The following CNTN3 variants were observed in gnomAD, a reference collection of about 807,000 sequenced individuals.
CNTN3 encodes contactin-3.
In CNTN3, 60 loss-of-function variants were observed where a neutral mutation model predicts 119.1. The ratio of observed to expected loss-of-function variants is 0.50; its 90% CI spans 0.41 to 0.62. The LOEUF is 0.62. Among genes scored for constraint, CNTN3 ranks in the 20% least tolerant of loss-of-function variants. The pLI is 0.00. For missense variants in CNTN3, 1,101 were observed against 1,242.4 expected, an observed-to-expected ratio of 0.89 and a Z score of 1.71; for synonymous variants, 450 against 438.7, an observed-to-expected ratio of 1.03 and a Z score of -0.32.
Position 74,430,732 on chromosome 3 carries a change from A to G in CNTN3, c.359-5792T>C, listed in dbSNP as rs778714581. On this transcript the variant is annotated intron_variant, in intron 4 of 22. Coordinates refer to ENST00000263665, the MANE Select transcript of CNTN3 (RefSeq NM_020872.3). ...CTTTCTTGACTGTGTTGGTCAACAC[A>G]TGTACATCCATGTGATAAAATTAGA... Among the ~76,000 whole-genome samples, 85 of 152,328 alleles carry G rather than the reference A, an allele frequency of 5.6e-4. 2 individuals carry two copies. The highest frequency in any genetic ancestry group is 2.6e-4 in the Admixed American group (4 of 15,300).
At chr3:74,541,108 G>C (rs1207321429) in intron 1 of CNTN3, among the ~76,000 whole-genome samples, 3 of 152,068 alleles carry the variant, frequency 2.0e-5, no homozygotes, top group Non-Finnish European at 2.9e-5. Flanking sequence ...TGAAACAAAA[G>C]GAACTCTCAT....
At chr3:74,267,159 A>T in intron 21 of CNTN3, 107 bp downstream of exon 21, 1 of 607,914 alleles carries the variant, frequency 1.6e-6, no homozygotes, top group Non-Finnish European at 2.9e-6. Flanking sequence ...TCAAAATTAG[A>T]TTACAGAAAC....
chr3:74,530,295 G>C (rs549835876), intron 1 of CNTN3, among the ~76,000 whole-genome samples: 2 of 152,080 alleles, frequency 1.3e-5, no homozygotes, highest in East Asian at 2.0e-4. Context: ...ATCCCAAAGG[G>C]AGGTGCCAGA....
At chr3:74,554,576 G>A (rs930743677) in intron 1 of CNTN3, among the ~76,000 whole-genome samples, 1 of 152,060 alleles carries the variant, frequency 6.6e-6, no homozygotes, top group Non-Finnish European at 1.5e-5. Flanking sequence ...ATTTGTTTGT[G>A]TCCTCTCTTA....
At chr3:74,549,332 G>A (rs114552275) in intron 1 of CNTN3, among the ~76,000 whole-genome samples, 5,632 of 152,152 alleles carry the variant, frequency 0.037, 136 homozygotes, top group South Asian at 0.069. Context: ...CTCCCCATAA[G>A]CAGAAGCCTG....
chr3:74,385,797 G>T (rs938679664), intron 5 of CNTN3, among the ~76,000 whole-genome samples: 1 of 152,186 alleles, frequency 6.6e-6, no homozygotes, highest in African/African-American at 2.4e-5. Context: ...TGCAGGTCCT[G>T]CTTTTTAAAA....
At chr3:74,328,841 T>C (rs967903103) in intron 13 of CNTN3, among the ~76,000 whole-genome samples, 1 of 152,200 alleles carries the variant, frequency 6.6e-6, no homozygotes, top group African/African-American at 2.4e-5. Flanking sequence ...TCAAGATAAA[T>C]AATAATTCCT....
intron 1 of CNTN3, among the ~76,000 whole-genome samples, chr3:74,563,595 G>A (rs962928316): frequency 6.6e-6 from 1 of 152,092 alleles, no homozygotes. Context: ...CCAATTGCCA[G>A]AAACCTGTTT....
intron 17 of CNTN3, among the ~76,000 whole-genome samples, chr3:74,298,541 A>C (rs747436881): frequency 1.3e-5 from 2 of 151,760 alleles, no homozygotes; most frequent in Non-Finnish European, 2.9e-5. Flanking sequence ...TCTAATTCTT[A>C]ATGTTGACTT....
chr3:74,368,516 C>T (rs962956795), intron 8 of CNTN3, among the ~76,000 whole-genome samples: 2 of 151,840 alleles, frequency 1.3e-5, no homozygotes, highest in African/African-American at 4.8e-5. Context: ...TATTCTAAGT[C>T]ATGTTTTCAT....
At chr3:74,505,742 A>C (rs960854648) in intron 2 of CNTN3, among the ~76,000 whole-genome samples, 6 of 152,178 alleles carry the variant, frequency 3.9e-5, no homozygotes, top group Non-Finnish European at 7.3e-5. Context: ...AAGGAAAATA[A>C]AATACTTATT....
At chr3:74,396,136 A>G (rs1705046408) in intron 5 of CNTN3, among the ~76,000 whole-genome samples, 1 of 152,132 alleles carries the variant, frequency 6.6e-6, no homozygotes, top group South Asian at 2.1e-4. Context: ...AATTAGGCCA[A>G]TTAATTATCC....
At chr3:74,442,989 G>T (rs995247826) in intron 4 of CNTN3, among the ~76,000 whole-genome samples, 1 of 152,182 alleles carries the variant, frequency 6.6e-6, no homozygotes, top group African/African-American at 2.4e-5. Flanking sequence ...TGCCTCCAAT[G>T]AAGAAGTTAC....
intron 4 of CNTN3, among the ~76,000 whole-genome samples, chr3:74,442,354 G>A (rs985233565): frequency 1.3e-5 from 2 of 151,910 alleles, no homozygotes; most frequent in African/African-American, 4.8e-5. Context: ...TACATACTGT[G>A]GCTGCTGCCG....
At chr3:74,372,177 G>T (rs11711010) in intron 5 of CNTN3, among the ~76,000 whole-genome samples, 2 of 151,826 alleles carry the variant, frequency 1.3e-5, no homozygotes, top group African/African-American at 4.8e-5. Context: ...TTAAACAAGC[G>T]ATGTTAGTTT....
intron 10 of CNTN3, 129 bp downstream of exon 10, chr3:74,364,338 T>A: frequency 1.2e-6 from 1 of 831,202 alleles, no homozygotes; most frequent in South Asian, 2.2e-5. Flanking sequence ...AACTGAATGA[T>A]CGTGTTGTAA....
At chr3:74,428,982 A>T (rs1701740596) in intron 4 of CNTN3, among the ~76,000 whole-genome samples, 1 of 152,216 alleles carries the variant, frequency 6.6e-6, no homozygotes. Context: ...GCAATAGGCT[A>T]TACTATACAG....
Position 74,299,880 on chromosome 3 carries a change from C to T in CNTN3, c.2154G>A (p.Val718=), listed in dbSNP as rs1389162181. ...NGGGGSRSEL[V]ITWDPVPEEL... ...CCCAAACACTTACATCCCAGGTTAT[C>T]ACAAGTTCAGACCGGCTTCCGCCTC... The change falls in exon 17 of 23, where the codon GTG becomes GTA. Residue 718 remains valine (V), a synonymous_variant. Transcript: ENST00000263665. 1 of 1,607,004 alleles carries T rather than the reference C, an allele frequency of 6.2e-7. No individual in the cohort carries two copies. Among genetic ancestry groups the T allele is most frequent in the Non-Finnish European group, 8.5e-7 (1 of 1,176,894 alleles).
chr3:74,377,515 C>T (rs774369283), intron 5 of CNTN3, among the ~76,000 whole-genome samples: 5 of 152,058 alleles, frequency 3.3e-5, no homozygotes, highest in Non-Finnish European at 5.9e-5. Flanking sequence ...TTATGTACTA[C>T]GATAAATAAA....
Sources: gnomAD v4.1 joint callset for allele counts (sites outside exome capture counted in the v4.1 genomes callset) on GRCh38, gnomAD v4.1.1 for gene constraint, MANE v1.5 for transcripts, NCBI Gene and HGNC (gene_info 2026-07-23, HGNC 2026-07-21) for gene names.